SLC9A7: variants seen among roughly 807,000 people sequenced by gnomAD.
The protein encoded by SLC9A7 is sodium/hydrogen exchanger 7.
SLC9A7 carries 19 observed loss-of-function variants against 52.6 expected under a neutral mutation model. That is an observed-to-expected ratio of 0.36 (90% CI 0.25 to 0.53). The LOEUF is 0.53. Ranked by LOEUF, SLC9A7 falls within the 20% of genes least tolerant of loss-of-function variation. The pLI, the probability that SLC9A7 is intolerant of heterozygous loss-of-function variation, is 0.91. For missense variants in SLC9A7, 455 were observed against 597.9 expected (o/e 0.76, Z 2.49); for synonymous variants, 226 against 252.1 (o/e 0.90, Z 0.98).
intron 12 of SLC9A7, among the ~76,000 whole-genome samples, chrX:46,640,744 C>T (rs1021040463): frequency 8.9e-6 from 1 of 112,183 alleles, no homozygotes; most frequent in African/African-American, 3.2e-5. Context: ...GATATTTCAC[C>T]AAAGAAGACA....
intron 1 of SLC9A7, among the ~76,000 whole-genome samples, chrX:46,695,352 T>C (rs530530559): frequency 2.7e-5 from 3 of 112,372 alleles, no homozygotes; most frequent in African/African-American, 9.7e-5. Flanking sequence ...CAGCAGACAA[T>C]ATATTCTGTA....
In SLC9A7 at chrX:46,606,134, G is replaced by T; in HGVS notation, c.*818C>A. 2.1e-6 allele frequency: 1 copy of T among 479,321 alleles called. No individual in the cohort carries two copies. The highest frequency in any genetic ancestry group is 2.6e-6 in the Non-Finnish European group (1 of 389,030). The allele number at this position is 479,321 out of a possible 1,213,427, so 39.5% of individuals were successfully genotyped here. A position where few individuals can be genotyped will look rare whatever the true frequency, so the allele number is the denominator to read the frequency against. On this transcript the variant is annotated 3_prime_UTR_variant, in exon 17 of 17. Coordinates refer to ENST00000616978, the MANE Select transcript of SLC9A7 (RefSeq NM_001257291.2). ...CACGCCACTGCACTCCAGCCTGGGT[G>T]ACAGAGTGAAACACCATCTCAACAA...
At chrX:46,621,081 C>A (rs1342036405) in intron 14 of SLC9A7, 22 bp from the exon 15 acceptor site, 1 of 1,091,397 alleles carries the variant, frequency 9.2e-7, no homozygotes. Context: ...CAAGAGGGCA[C>A]ATGCTTAGTT....
intron 3 of SLC9A7, among the ~76,000 whole-genome samples, chrX:46,675,060 AATGTGTGTGTGT>A (rs1243737442): frequency 5.0e-5 from 2 of 39,885 alleles, no homozygotes; most frequent in Non-Finnish European, 1.1e-4. Context: ...AGAGAGAGTG[AATGTGTGTGTGT>A]GTGTGTGTGT....
intron 1 of SLC9A7, among the ~76,000 whole-genome samples, chrX:46,746,315 C>T (rs1312275082): frequency 2.7e-5 from 3 of 110,385 alleles, no homozygotes; most frequent in Admixed American, 9.7e-5. Context: ...GGCGACAGAG[C>T]GAGACACCAT....
At chrX:46,625,596 G>A (rs1943113714) in intron 14 of SLC9A7, among the ~76,000 whole-genome samples, 1 of 109,618 alleles carries the variant, frequency 9.1e-6, no homozygotes, top group Admixed American at 9.7e-5. Context: ...TGTAATCCCA[G>A]CTACTCAGGA....
chrX:46,620,751 G>A (rs889581795), intron 15 of SLC9A7, among the ~76,000 whole-genome samples: 40 of 112,365 alleles, frequency 3.6e-4, no homozygotes, highest in African/African-American at 1.2e-3. Context: ...CTACCAGGCT[G>A]TGGGCTGGTT....
At chrX:46,669,110 G>A (rs1478852342) in intron 5 of SLC9A7, among the ~76,000 whole-genome samples, 1 of 106,032 alleles carries the variant, frequency 9.4e-6, no homozygotes, top group African/African-American at 3.5e-5. Flanking sequence ...AGAGTCTGCA[G>A]TGAGCCGAGA....
chrX:46,681,255 T>C (rs897134805), intron 2 of SLC9A7, among the ~76,000 whole-genome samples: 1 of 112,424 alleles, frequency 8.9e-6, no homozygotes, highest in Non-Finnish European at 1.9e-5. Context: ...AATGTGTTGG[T>C]ATCATTTCCC....
At chrX:46,703,140 A>G (rs947377311) in intron 1 of SLC9A7, among the ~76,000 whole-genome samples, 10 of 111,940 alleles carry the variant, frequency 8.9e-5, no homozygotes, top group Non-Finnish European at 1.9e-5. Context: ...TTGCTTGTTA[A>G]GTTCCTTACA....
At chrX:46,670,578 A>T (rs1206240318) in intron 4 of SLC9A7, among the ~76,000 whole-genome samples, 1 of 111,283 alleles carries the variant, frequency 9.0e-6, no homozygotes, top group East Asian at 2.8e-4. Flanking sequence ...AAAAATAACC[A>T]TGGACTTGAC....
intron 1 of SLC9A7, among the ~76,000 whole-genome samples, chrX:46,701,420 T>C (rs773749013): frequency 9.0e-6 from 1 of 110,596 alleles, no homozygotes; most frequent in South Asian, 3.9e-4. Flanking sequence ...ACCCCATCTT[T>C]ACTAAAAATA....
intron 5 of SLC9A7, among the ~76,000 whole-genome samples, chrX:46,668,894 A>G (rs755344433): frequency 3.0e-4 from 33 of 111,762 alleles, no homozygotes; most frequent in South Asian, 7.5e-4. Context: ...TAGGCTGGGC[A>G]CGGTGGCTCA....
intron 1 of SLC9A7, among the ~76,000 whole-genome samples, chrX:46,744,058 G>A (rs1036949150): frequency 2.7e-5 from 3 of 112,543 alleles, no homozygotes; most frequent in African/African-American, 9.7e-5. Context: ...AGACTACAGC[G>A]TCATCTATTT....
chrX:46,695,146 T>C (rs770223118), intron 1 of SLC9A7, among the ~76,000 whole-genome samples: 1 of 112,761 alleles, frequency 8.9e-6, no homozygotes, highest in South Asian at 3.6e-4. Context: ...TTTGTGATTT[T>C]ACCAAAAATC....
intron 5 of SLC9A7, 31 bp downstream of exon 5, chrX:46,669,576 A>G (rs1014193197): frequency 1.2e-6 from 1 of 804,533 alleles, no homozygotes; most frequent in Admixed American, 3.1e-5. Context: ...GAATATCATA[A>G]TAATAAAGAC....
chrX:46,744,376 T>C (rs978334799), intron 1 of SLC9A7, among the ~76,000 whole-genome samples: 35 of 112,384 alleles, frequency 3.1e-4, no homozygotes, highest in African/African-American at 1.1e-3. Flanking sequence ...AAAGGAACAA[T>C]GGATATTGGG....
chrX:46,748,364 AAAGGAAGGAAGG>A (rs57555325), intron 1 of SLC9A7, among the ~76,000 whole-genome samples: 627 of 51,253 alleles, frequency 0.012, 9 homozygotes, highest in African/African-American at 0.024. Flanking sequence ...AAAAAGAAAG[AAAGGAAGGAAGG>A]AAGGAAGGAA....
intron 1 of SLC9A7, among the ~76,000 whole-genome samples, chrX:46,684,024 TTG>T (rs1944254118): frequency 8.9e-6 from 1 of 112,095 alleles, no homozygotes; most frequent in African/African-American, 3.2e-5. Context: ...TGCATCTGTG[TTG>T]TGTTATTATA....
Sources: gnomAD v4.1 joint callset for allele counts (sites outside exome capture counted in the v4.1 genomes callset) on GRCh38, gnomAD v4.1.1 for gene constraint, MANE v1.5 for transcripts, NCBI Gene and HGNC (gene_info 2026-07-23, HGNC 2026-07-21) for gene names.